IMMP2L: variants seen among roughly 807,000 people sequenced by gnomAD.
IMMP2L encodes inner mitochondrial membrane peptidase subunit 2, also known as mitochondrial inner membrane protease subunit 2.
IMMP2L carries 18 observed loss-of-function variants against 19.3 expected under a neutral mutation model. That is an observed-to-expected ratio of 0.93 (90% CI 0.64 to 1.38). The LOEUF (loss-of-function observed/expected upper bound fraction) is 1.38. Ranked by LOEUF, IMMP2L falls within the 40% of genes most tolerant of loss-of-function variation. The pLI, the probability that IMMP2L is intolerant of heterozygous loss-of-function variation, is 0.00. For synonymous variants in IMMP2L, 76 were observed against 73.0 expected, an observed-to-expected ratio of 1.04 and a Z score of -0.21; for missense variants, 233 against 218.2, an observed-to-expected ratio of 1.07 and a Z score of -0.43.
intron 3 of IMMP2L, among the ~76,000 whole-genome samples, chr7:111,002,151 G>A (rs1335195301): frequency 6.6e-6 from 1 of 152,050 alleles, no homozygotes; most frequent in Non-Finnish European, 1.5e-5. Flanking sequence ...GAGACTCTCT[G>A]AGGTACCAGC....
intron 4 of IMMP2L, among the ~76,000 whole-genome samples, chr7:110,904,305 C>T (rs1043079564): frequency 2.0e-5 from 3 of 152,136 alleles, no homozygotes; most frequent in East Asian, 3.9e-4. Context: ...CTTTTAGTGT[C>T]ATATCCATGA....
chr7:111,524,274 T>C (rs1473003499), intron 1 of IMMP2L, among the ~76,000 whole-genome samples: 2 of 151,824 alleles, frequency 1.3e-5, no homozygotes, highest in Non-Finnish European at 2.9e-5. Flanking sequence ...AATAAATAAA[T>C]CCAAAGATTT....
At chr7:111,446,011 C>T (rs1157310627) in intron 3 of IMMP2L, among the ~76,000 whole-genome samples, 2 of 151,460 alleles carry the variant, frequency 1.3e-5, no homozygotes. Flanking sequence ...GCTTAAGAAA[C>T]GGCGCACCAC....
intron 3 of IMMP2L, among the ~76,000 whole-genome samples, chr7:111,396,996 G>A (rs1027043438): frequency 1.3e-5 from 2 of 151,966 alleles, no homozygotes; most frequent in African/African-American, 4.8e-5. Flanking sequence ...GCTGACGCAG[G>A]AGAATGGTAT....
intron 5 of IMMP2L, among the ~76,000 whole-genome samples, chr7:110,878,606 CTTCATATCA>C (rs1809314272): frequency 6.6e-6 from 1 of 151,438 alleles, no homozygotes. Context: ...TATTTTAATC[CTTCATATCA>C]TTCACTGTTG....
At chr7:110,995,208 G>A (rs981401503) in intron 3 of IMMP2L, among the ~76,000 whole-genome samples, 6 of 151,972 alleles carry the variant, frequency 3.9e-5, no homozygotes, top group African/African-American at 9.7e-5. Flanking sequence ...AGAACCTTAC[G>A]GGCTCCGTTA....
intron 3 of IMMP2L, among the ~76,000 whole-genome samples, chr7:111,237,341 T>C (rs145036820): frequency 2.2e-3 from 342 of 152,212 alleles, no homozygotes; most frequent in African/African-American, 7.0e-3. Flanking sequence ...AAATTGTGTA[T>C]TGTGTCCTGT....
At chr7:111,560,426 AC>A (rs1288526241) in intron 1 of IMMP2L, among the ~76,000 whole-genome samples, 4 of 152,168 alleles carry the variant, frequency 2.6e-5, no homozygotes, top group African/African-American at 9.7e-5. Flanking sequence ...TTCTTATGGA[AC>A]AACTACAAAA....
chr7:110,790,928 G>C (rs1800419451), intron 5 of IMMP2L, among the ~76,000 whole-genome samples: 1 of 151,350 alleles, frequency 6.6e-6, no homozygotes, highest in African/African-American at 2.5e-5. Flanking sequence ...CCACTGTCTT[G>C]GAGAAGCACC....
chr7:111,348,932 A>G (rs1827855782), intron 3 of IMMP2L, among the ~76,000 whole-genome samples: 1 of 152,026 alleles, frequency 6.6e-6, no homozygotes, highest in South Asian at 2.1e-4. Flanking sequence ...GCAAAGAAAT[A>G]TTTTCTTCAT....
intron 2 of IMMP2L, among the ~76,000 whole-genome samples, chr7:111,521,090 A>G (rs1846283754): frequency 6.6e-6 from 1 of 152,162 alleles, no homozygotes. Context: ...TTTAAACTAC[A>G]GACCCAGAGA....
At chr7:111,186,620 G>A (rs1255635702) in intron 3 of IMMP2L, among the ~76,000 whole-genome samples, 2 of 151,902 alleles carry the variant, frequency 1.3e-5, no homozygotes, top group Admixed American at 6.6e-5. Context: ...TAGTAGAAAC[G>A]GGGTTTCACC....
At chr7:110,944,467 G>GCACA (rs1407967645) in intron 4 of IMMP2L, among the ~76,000 whole-genome samples, 2,166 of 151,710 alleles carry the variant, frequency 0.014, 28 homozygotes, top group Non-Finnish European at 0.021. Context: ...GTGTGTGCGC[G>GCACA]CGCACGTGTG....
At chr7:110,792,142 T>A (rs1283496879) in intron 5 of IMMP2L, among the ~76,000 whole-genome samples, 3 of 151,834 alleles carry the variant, frequency 2.0e-5, no homozygotes, top group Non-Finnish European at 4.4e-5. Flanking sequence ...AGCTGGTGGC[T>A]ATTGGGCACA....
At chr7:110,717,775 C>T (rs1052120227) in intron 5 of IMMP2L, among the ~76,000 whole-genome samples, 1 of 151,980 alleles carries the variant, frequency 6.6e-6, no homozygotes, top group African/African-American at 2.4e-5. Flanking sequence ...TTGGTAGAAC[C>T]CAGATTGAGA....
rs182482040 is a variant in IMMP2L, at chr7:110,747,763, C to T, written c.409-84042G>A. Reference sequence around the variant, plus strand: ...GGAACGTATTTCAAAATAATAAACACGATTTATGACAAACTGACAGCCAAT... The same window carrying T: ...GGAACGTATTTCAAAATAATAAACATGATTTATGACAAACTGACAGCCAAT... On this transcript the variant is annotated intron_variant, in intron 5 of 5. Transcript: ENST00000405709. 6.2e-3 allele frequency among the ~76,000 whole-genome samples: 950 copies of T among 152,230 alleles called. 7 individuals carry two copies. The highest frequency in any genetic ancestry group is 0.017 in the Middle Eastern group (5 of 294).
chr7:111,291,221 G>GA (rs1018861008), intron 3 of IMMP2L, among the ~76,000 whole-genome samples: 5 of 151,310 alleles, frequency 3.3e-5, no homozygotes, highest in Admixed American at 1.3e-4. Context: ...TCTTTTGAGG[G>GA]AAAAAAAAAG....
At chr7:111,413,611 A>G (rs531762241) in intron 3 of IMMP2L, among the ~76,000 whole-genome samples, 1 of 152,206 alleles carries the variant, frequency 6.6e-6, no homozygotes, top group African/African-American at 2.4e-5. Flanking sequence ...CTATATGACA[A>G]TATCAATAGT....
At chr7:110,958,944 T>C (rs1259483680) in intron 4 of IMMP2L, among the ~76,000 whole-genome samples, 1 of 152,008 alleles carries the variant, frequency 6.6e-6, no homozygotes, top group Non-Finnish European at 1.5e-5. Context: ...CATTCTGCAG[T>C]AAAGCTAGGC....
Sources: allele counts gnomAD v4.1 joint callset (sites outside exome capture counted in the v4.1 genomes callset), GRCh38; gene constraint gnomAD v4.1.1; transcripts MANE v1.5; gene names NCBI Gene and HGNC (gene_info 2026-07-23, HGNC 2026-07-21).